Variants in CNTLN observed in about 807,000 individuals in gnomAD.
CNTLN encodes the protein centlein, also known as centlein, centrosomal protein.
CNTLN carries 212 observed loss-of-function variants against 180.0 expected under a neutral mutation model. The ratio of observed to expected loss-of-function variants is 1.18; its 90% CI spans 1.05 to 1.32. The LOEUF (loss-of-function observed/expected upper bound fraction) is 1.32, where lower values mean the gene tolerates loss of function less well. Ranked by LOEUF, CNTLN falls within the 40% of genes most tolerant of loss-of-function variation. The pLI is 0.00. For missense variants in CNTLN, 2,095 were observed against 1,610.9 expected, an observed-to-expected ratio of 1.30 and a Z score of -5.14; for synonymous variants, 722 against 563.1, an observed-to-expected ratio of 1.28 and a Z score of -3.99.
intron 6 of CNTLN, among the ~76,000 whole-genome samples, chr9:17,292,616 T>C (rs1041072947): frequency 1.1e-4 from 17 of 152,170 alleles, no homozygotes; most frequent in African/African-American, 4.1e-4. Context: ...ATGGTTGCAT[T>C]GTGATGTTCT....
chr9:17,403,199 C>G (rs1827119463), intron 15 of CNTLN, among the ~76,000 whole-genome samples: 1 of 151,654 alleles, frequency 6.6e-6, no homozygotes, highest in Admixed American at 6.6e-5. Context: ...ATTCTGTGAA[C>G]AAAATGACCC....
chr9:17,192,860 A>G (rs1299657804), intron 2 of CNTLN, among the ~76,000 whole-genome samples: 1 of 152,184 alleles, frequency 6.6e-6, no homozygotes, highest in Non-Finnish European at 1.5e-5. Flanking sequence ...GTTTGTTTTC[A>G]CGCTGCTGAT....
the CNTLN span, among the ~76,000 whole-genome samples, chr9:17,512,659 G>C: frequency 3.9e-5 from 6 of 151,956 alleles, no homozygotes; most frequent in African/African-American, 1.5e-4. Context: ...GAAAAGAAGA[G>C]AGTTCAAAAA....
chr9:17,424,093 T>A (rs1002352354), intron 18 of CNTLN, among the ~76,000 whole-genome samples: 1 of 152,212 alleles, frequency 6.6e-6, no homozygotes, highest in African/African-American at 2.4e-5. Context: ...TTGGCCATTT[T>A]GCTCTGCTTC....
At chr9:17,317,119 G>A (rs948811781) in intron 8 of CNTLN, among the ~76,000 whole-genome samples, 1 of 151,932 alleles carries the variant, frequency 6.6e-6, no homozygotes. Flanking sequence ...GAAATCTGAT[G>A]TAATTTTATT....
At chr9:17,380,604 C>G (rs780869977) in intron 13 of CNTLN, among the ~76,000 whole-genome samples, 1 of 152,130 alleles carries the variant, frequency 6.6e-6, no homozygotes, top group African/African-American at 2.4e-5. Context: ...TTGTAATTAC[C>G]TATGACCAAG....
chr9:17,290,187 G>C (rs1178581514), intron 6 of CNTLN, among the ~76,000 whole-genome samples: 2 of 151,980 alleles, frequency 1.3e-5, no homozygotes, highest in African/African-American at 4.8e-5. Context: ...ATGGGTTTTT[G>C]GTGTGGATGT....
intron 5 of CNTLN, among the ~76,000 whole-genome samples, chr9:17,237,823 C>G (rs1405267726): frequency 6.6e-6 from 1 of 151,864 alleles, no homozygotes; most frequent in Non-Finnish European, 1.5e-5. Flanking sequence ...GTGTATAAAC[C>G]TGTTGCAGAT....
chr9:17,236,289 G>A, intron 4 of CNTLN, 120 bp from the exon 5 acceptor site: 1 of 781,022 alleles, frequency 1.3e-6, no homozygotes. Flanking sequence ...ATCAAATATA[G>A]AAGAAGCTTC....
At chr9:17,467,999 A>G (rs1434757703) in intron 23 of CNTLN, among the ~76,000 whole-genome samples, 1 of 151,818 alleles carries the variant, frequency 6.6e-6, no homozygotes, top group Non-Finnish European at 1.5e-5. Flanking sequence ...CTAAATGCCC[A>G]TAAACAATAG....
chr9:17,409,787 A>G (rs1827697444), intron 16 of CNTLN, among the ~76,000 whole-genome samples: 1 of 152,070 alleles, frequency 6.6e-6, no homozygotes, highest in Admixed American at 6.5e-5. Context: ...CTTTTTGTAT[A>G]TTAGTCTTTG....
intron 13 of CNTLN, among the ~76,000 whole-genome samples, chr9:17,382,912 G>A (rs570156814): frequency 6.6e-6 from 1 of 151,904 alleles, no homozygotes; most frequent in African/African-American, 2.4e-5. Context: ...TTCCTCCCTG[G>A]AACTGAAAAA....
At chr9:17,481,721 C>T (rs1423950850) in intron 23 of CNTLN, among the ~76,000 whole-genome samples, 1 of 152,238 alleles carries the variant, frequency 6.6e-6, no homozygotes, top group Non-Finnish European at 1.5e-5. Flanking sequence ...CATGGCAGCA[C>T]ATGGCCAATG....
intron 8 of CNTLN, among the ~76,000 whole-genome samples, chr9:17,313,715 GTTCT>G (rs1199116766): frequency 1.8e-4 from 27 of 152,220 alleles, no homozygotes; most frequent in Non-Finnish European, 1.5e-5. Context: ...TTTGTTTCCT[GTTCT>G]TTCTTTTCTC....
chr9:17,462,781 A>T (rs988924847), intron 19 of CNTLN, 135 bp from the exon 20 acceptor site: 5 of 407,652 alleles, frequency 1.2e-5, no homozygotes, highest in Non-Finnish European at 2.2e-5. Context: ...CATTTAAAAT[A>T]TTAAAATATT....
At chr9:17,525,974 C>A in the CNTLN span, among the ~76,000 whole-genome samples, 1 of 151,904 alleles carries the variant, frequency 6.6e-6, no homozygotes, top group Non-Finnish European at 1.5e-5. Flanking sequence ...CTTGCTCTGT[C>A]GCCCAGGCTG....
chr9:17,387,267 C>A (rs938763742), intron 13 of CNTLN, among the ~76,000 whole-genome samples: 1 of 152,072 alleles, frequency 6.6e-6, no homozygotes, highest in Non-Finnish European at 1.5e-5. Context: ...TACTTTAAAG[C>A]AAAATAATCT....
chr9:17,299,456 T>C, intron 7 of CNTLN: 1 of 979,774 alleles, frequency 1.0e-6, no homozygotes, highest in Non-Finnish European at 1.2e-6. Flanking sequence ...CTTACTTTTC[T>C]AAAAAATCAC....
chr9:17,264,103 C>A (rs1211197963), intron 5 of CNTLN, among the ~76,000 whole-genome samples: 1 of 144,694 alleles, frequency 6.9e-6, no homozygotes, highest in Non-Finnish European at 1.5e-5. Flanking sequence ...TTGTTTCAGA[C>A]ATGAAGTCCT....
Sources: gnomAD v4.1 joint callset for allele counts (sites outside exome capture counted in the v4.1 genomes callset) on GRCh38, gnomAD v4.1.1 for gene constraint, MANE v1.5 for transcripts, NCBI Gene and HGNC (gene_info 2026-07-23, HGNC 2026-07-21) for gene names.